The following COL5A2 variants were observed in gnomAD, a reference collection of about 807,000 sequenced individuals.
The protein encoded by COL5A2 is collagen alpha-2(V) chain.
Under a neutral mutation model 208.2 loss-of-function variants are expected in COL5A2, and 23 were observed. The ratio of observed to expected loss-of-function variants is 0.11; its 90% CI spans 0.08 to 0.16. The LOEUF is 0.16. Ranked by LOEUF, COL5A2 falls within the 10% of genes least tolerant of loss-of-function variation. The pLI is 1.00. For synonymous variants in COL5A2, 625 were observed against 628.5 expected, an observed-to-expected ratio of 0.99 and a Z score of 0.08; for missense variants, 1,590 against 1,956.4, an observed-to-expected ratio of 0.81 and a Z score of 3.53.
At chr2:189,250,509 A>G in the COL5A2 span, among the ~76,000 whole-genome samples, 568 of 152,282 alleles carry the variant, frequency 3.7e-3, 5 homozygotes, top group African/African-American at 0.013. Flanking sequence ...TAGAATCTTC[A>G]ATAGAGTGGC....
At chr2:189,321,822 C>T in the COL5A2 span, among the ~76,000 whole-genome samples, 2 of 152,210 alleles carry the variant, frequency 1.3e-5, no homozygotes, top group Non-Finnish European at 2.9e-5. Context: ...CTGCACCAAG[C>T]AGACCTAATA....
intron 1 of COL5A2, among the ~76,000 whole-genome samples, chr2:189,112,583 CTA>C (rs1687305634): frequency 6.6e-6 from 1 of 152,130 alleles, no homozygotes; most frequent in Non-Finnish European, 1.5e-5. Context: ...AGTAACACTA[CTA>C]TATCCTAATG....
the COL5A2 span, among the ~76,000 whole-genome samples, chr2:189,352,015 T>G: frequency 6.6e-6 from 1 of 152,012 alleles, no homozygotes; most frequent in East Asian, 1.9e-4. Flanking sequence ...GTGATCTCAT[T>G]GTTCAACTCC....
the COL5A2 span, among the ~76,000 whole-genome samples, chr2:189,290,252 C>A: frequency 6.6e-6 from 1 of 152,158 alleles, no homozygotes; most frequent in African/African-American, 2.4e-5. Context: ...TGTAAGCACA[C>A]GCTATGATGT....
chr2:189,177,716 G>A (rs1252321088), intron 1 of COL5A2, among the ~76,000 whole-genome samples: 1 of 152,094 alleles, frequency 6.6e-6, no homozygotes, highest in Non-Finnish European at 1.5e-5. Flanking sequence ...TTTGCATCAA[G>A]CATCACATTC....
chr2:189,126,844 G>C (rs887756415), intron 1 of COL5A2, among the ~76,000 whole-genome samples: 2 of 152,090 alleles, frequency 1.3e-5, no homozygotes, highest in African/African-American at 4.8e-5. Flanking sequence ...GCCATGAGCA[G>C]AGACAATAGT....
chr2:189,073,914 T>G (rs1686339953), intron 17 of COL5A2, among the ~76,000 whole-genome samples: 1 of 152,162 alleles, frequency 6.6e-6, no homozygotes, highest in African/African-American at 2.4e-5. Flanking sequence ...ATAGCACTGT[T>G]ACAATTAAAA....
At chr2:189,352,913 T>C in the COL5A2 span, among the ~76,000 whole-genome samples, 1 of 152,230 alleles carries the variant, frequency 6.6e-6, no homozygotes, top group Non-Finnish European at 1.5e-5. Context: ...GGGGTTTTTA[T>C]AGTTTTAGGT....
chr2:189,048,210 C>T lies in COL5A2; in HGVS notation c.3200G>A (p.Arg1067His), dbSNP rs780705330. The T allele has an allele frequency of 1.6e-5, 26 of 1,613,384 alleles. No homozygotes were observed. Among genetic ancestry groups the T allele is most frequent in the Middle Eastern group, 1.6e-4 (1 of 6,082 alleles). ...TPGRDGAVGE[R>H]GDRGDPGPAG... is the part of the protein sequence containing the mutation. ...TATAATAAGTGAAATGGCTCTTACA[C>T]GTTCTCCAACAGCACCATCCCGTCC... The change falls in exon 45 of 54, where the codon CGT becomes CAT. Residue 1067 changes from arginine (R) to histidine (H), a missense_variant and splice_region_variant. Coordinates refer to ENST00000374866, the MANE Select transcript of COL5A2 (RefSeq NM_000393.5).
At chr2:189,180,562 A>C (rs1688765058), upstream of COL5A2, among the ~76,000 whole-genome samples, 1 of 152,196 alleles carries the variant, frequency 6.6e-6, no homozygotes, top group African/African-American at 2.4e-5. Context: ...CCACTCAATA[A>C]TTTTGTAAAT....
the COL5A2 span, among the ~76,000 whole-genome samples, chr2:189,230,341 T>C: frequency 6.6e-6 from 1 of 151,702 alleles, no homozygotes; most frequent in Non-Finnish European, 1.5e-5. Context: ...TACATCAAAC[T>C]AAAAAACTTC....
intron 45 of COL5A2, 78 bp downstream of exon 45, chr2:189,048,131 T>C (rs1685707992): frequency 1.5e-6 from 2 of 1,339,800 alleles, no homozygotes; most frequent in African/African-American, 2.9e-5. Context: ...TCAGGAAAAA[T>C]GACAGTTTTT....
intron 1 of COL5A2, among the ~76,000 whole-genome samples, chr2:189,138,200 T>C (rs1371456992): frequency 2.0e-5 from 3 of 152,140 alleles, no homozygotes; most frequent in Non-Finnish European, 4.4e-5. Context: ...GATCTCGAAC[T>C]CCTGACCTTG....
the COL5A2 span, among the ~76,000 whole-genome samples, chr2:189,407,849 A>G: frequency 6.6e-6 from 1 of 152,222 alleles, no homozygotes; most frequent in Admixed American, 6.5e-5. Flanking sequence ...GTTGACCTGT[A>G]GTCAGGAAAT....
chr2:189,157,256 T>C (rs923349359), intron 1 of COL5A2, among the ~76,000 whole-genome samples: 1 of 151,584 alleles, frequency 6.6e-6, no homozygotes, highest in Non-Finnish European at 1.5e-5. Context: ...AAAATGAAAG[T>C]TGTATAAATT....
chr2:189,191,170 C>CCAAAAAA (rs1559142114), intron 1 of COL5A2, among the ~76,000 whole-genome samples: 44 of 134,990 alleles, frequency 3.3e-4, no homozygotes, highest in East Asian at 8.7e-4. Flanking sequence ...AAACAAACAA[C>CCAAAAAA]AAAAAACAAC....
At chr2:189,083,473 G>C (rs1686582391) in intron 12 of COL5A2, among the ~76,000 whole-genome samples, 1 of 152,046 alleles carries the variant, frequency 6.6e-6, no homozygotes, top group South Asian at 2.1e-4. Flanking sequence ...GCCAAAATTA[G>C]GGTTTGGGGA....
At chr2:189,348,760 G>C in the COL5A2 span, among the ~76,000 whole-genome samples, 2 of 152,194 alleles carry the variant, frequency 1.3e-5, no homozygotes, top group African/African-American at 4.8e-5. Flanking sequence ...ATGGAAAAGA[G>C]TGCTGACTAA....
the COL5A2 span, among the ~76,000 whole-genome samples, chr2:189,293,296 A>G: frequency 3.2e-4 from 49 of 152,284 alleles, no homozygotes; most frequent in African/African-American, 1.2e-3. Flanking sequence ...CACTGTGCAG[A>G]AGTCAGACCA....
Sources: gnomAD v4.1 joint callset for allele counts (sites outside exome capture counted in the v4.1 genomes callset) on GRCh38, gnomAD v4.1.1 for gene constraint, MANE v1.5 for transcripts, NCBI Gene and HGNC (gene_info 2026-07-23, HGNC 2026-07-21) for gene names.